DESI2: variants seen among roughly 807,000 people sequenced by gnomAD.
The protein encoded by DESI2 is deubiquitinase DESI2.
DESI2 carries 10 observed loss-of-function variants against 24.1 expected under a neutral mutation model. That is an observed-to-expected ratio of 0.41 (90% CI 0.26 to 0.70). DESI2 has a LOEUF of 0.70. Among genes scored for constraint, DESI2 ranks in the 30% least tolerant of loss-of-function variants. The pLI is 0.29. For missense variants in DESI2, 122 were observed against 234.9 expected (o/e 0.52, Z 3.14); for synonymous variants, 71 against 87.7 (o/e 0.81, Z 1.06).
chr1:244,669,690 AAAAG>A (rs1295330617), intron 1 of DESI2, among the ~76,000 whole-genome samples: 1 of 152,090 alleles, frequency 6.6e-6, no homozygotes, highest in Non-Finnish European at 1.5e-5. Flanking sequence ...AAAAAAGAAA[AAAAG>A]AAACTAGACT....
At chr1:244,659,374 G>A (rs1675759814) in intron 1 of DESI2, among the ~76,000 whole-genome samples, 1 of 152,180 alleles carries the variant, frequency 6.6e-6, no homozygotes, top group South Asian at 2.1e-4. Flanking sequence ...CAGTTCCTCT[G>A]CTATAGTCTT....
intron 2 of DESI2, among the ~76,000 whole-genome samples, chr1:244,688,793 C>A (rs937716750): frequency 2.0e-5 from 3 of 152,134 alleles, no homozygotes. Context: ...ATGTTCCACC[C>A]TACTCAAAGA....
At chr1:244,703,987 T>C (rs751215885) in intron 4 of DESI2, among the ~76,000 whole-genome samples, 6 of 152,162 alleles carry the variant, frequency 3.9e-5, no homozygotes, top group Admixed American at 6.6e-5. Context: ...TACCTCTCTG[T>C]ACTCACAGGC....
At chr1:244,688,855 G>A (rs562914266) in intron 2 of DESI2, among the ~76,000 whole-genome samples, 36 of 152,306 alleles carry the variant, frequency 2.4e-4, no homozygotes, top group Admixed American at 5.9e-4. Flanking sequence ...TTACTAGACA[G>A]TTTCTCCAGT....
chr1:244,683,745 G>A (rs1012333420), intron 1 of DESI2, among the ~76,000 whole-genome samples: 2 of 151,782 alleles, frequency 1.3e-5, no homozygotes, highest in African/African-American at 2.4e-5. Context: ...TTTAGAGACA[G>A]GGTCTCACTT....
At chr1:244,702,493 AACAG>A (rs1304370528) in intron 4 of DESI2, among the ~76,000 whole-genome samples, 2 of 152,182 alleles carry the variant, frequency 1.3e-5, no homozygotes, top group Non-Finnish European at 2.9e-5. Flanking sequence ...CAGCCTCAGT[AACAG>A]ACCAAGACTC....
chr1:244,680,938 C>T (rs1378636790), intron 1 of DESI2, among the ~76,000 whole-genome samples: 1 of 123,818 alleles, frequency 8.1e-6, no homozygotes. Context: ...AAAGAGCTTT[C>T]CTCCTTTTAC....
At chr1:244,664,536 T>C (rs1675976255) in intron 1 of DESI2, among the ~76,000 whole-genome samples, 1 of 152,116 alleles carries the variant, frequency 6.6e-6, no homozygotes. Flanking sequence ...TGGGACCTTA[T>C]CTCTACAAAA....
intron 1 of DESI2, among the ~76,000 whole-genome samples, chr1:244,667,743 C>G (rs138992437): frequency 1.3e-5 from 2 of 152,316 alleles, no homozygotes; most frequent in African/African-American, 2.4e-5. Context: ...AGTCCTGACT[C>G]TTACTCTGAA....
At chr1:244,688,842 C>G (rs1344280579) in intron 2 of DESI2, among the ~76,000 whole-genome samples, 4 of 152,186 alleles carry the variant, frequency 2.6e-5, no homozygotes, top group African/African-American at 9.7e-5. Context: ...ATGAAACTCA[C>G]TGTTACTAGA....
rs527841029 is a variant in DESI2 at position 244,689,839 on chromosome 1, C to T, written c.209+497C>T. On this transcript the variant is annotated intron_variant, in intron 3 of 4. Coordinates refer to ENST00000302550, the MANE Select transcript of DESI2 (RefSeq NM_016076.5). This position sits in a 1 kb window ranked among gnomAD's most constrained non-coding sequence, Gnocchi z 4.0. ...AAACTCCTTTCTAATGATTTCTTCC[C>T]CTCAATCTCCTGTTTGAAAGGAGAA... Among the ~76,000 whole-genome samples, 1 of 152,288 alleles carries T rather than the reference C, an allele frequency of 6.6e-6. No homozygotes were observed. Among genetic ancestry groups the T allele is most frequent in the South Asian group, 2.1e-4 (1 of 4,826 alleles).
In DESI2 at chr1:244,691,942, A is replaced by G. The variant is rs369300135; in HGVS notation, c.273A>G (p.Glu91=). The change falls in exon 4 of 5, where the codon GAA becomes GAG. Residue 91 remains glutamate (E), a synonymous_variant. Coordinates refer to ENST00000302550, the MANE Select transcript of DESI2 (RefSeq NM_016076.5). The part of the protein sequence containing the change: ...LEDDIEKIVE[E]LGKEYKGNAY... The stretch of plus-strand genomic sequence containing the variant: ...ATGATATAGAAAAAATTGTAGAAGA[A>G]CTGGGAAAAGAATACAAAGGCAATG... 1.2e-6 allele frequency: 2 copies of G among 1,604,340 alleles called. No homozygotes were observed. Among genetic ancestry groups the G allele is most frequent in the Non-Finnish European group, 1.7e-6 (2 of 1,178,000 alleles).
chr1:244,671,829 A>G (rs915213188), intron 1 of DESI2, among the ~76,000 whole-genome samples: 1 of 152,244 alleles, frequency 6.6e-6, no homozygotes, highest in Non-Finnish European at 1.5e-5. Context: ...GAGGTTAAAC[A>G]TATCAATATT....
chr1:244,676,165 C>T (rs1167189916), intron 1 of DESI2, among the ~76,000 whole-genome samples: 1 of 152,002 alleles, frequency 6.6e-6, no homozygotes, highest in Non-Finnish European at 1.5e-5. Context: ...CAAGCTCCAC[C>T]TCCCTGGTTC....
intron 4 of DESI2, among the ~76,000 whole-genome samples, chr1:244,704,423 T>A (rs770855800): frequency 2.0e-5 from 3 of 152,200 alleles, no homozygotes; most frequent in Non-Finnish European, 2.9e-5. Context: ...TAGACCCAGT[T>A]CTTACTATTT....
rs1677738914 is a variant in DESI2, at chr1:244,707,156, T to C, written c.*1367T>C. 1 of 152,636 alleles carries C rather than the reference T, an allele frequency of 6.6e-6. No homozygotes were observed. Among genetic ancestry groups the C allele is most frequent in the South Asian group, 2.1e-4 (1 of 4,836 alleles). 9.5% of individuals were successfully genotyped at this position (152,636 alleles called of 1,614,324 possible). A position where few individuals can be genotyped will look rare whatever the true frequency, so the allele number is the denominator to read the frequency against. ...GGCAGTGACTTCAGCTTTATATACA[T>C]ATAAAATATAGTTAGTTTTAAAATT... On this transcript the variant is annotated 3_prime_UTR_variant, in exon 5 of 5. Transcript: ENST00000302550.
At chr1:244,667,282 A>G (rs770503961) in intron 1 of DESI2, among the ~76,000 whole-genome samples, 25 of 152,220 alleles carry the variant, frequency 1.6e-4, no homozygotes, top group Non-Finnish European at 8.8e-5. Flanking sequence ...CTTCCTAGAT[A>G]TAATGGGGAT....
chr1:244,682,672 C>G (rs1468134879), intron 1 of DESI2, among the ~76,000 whole-genome samples: 1 of 152,158 alleles, frequency 6.6e-6, no homozygotes, highest in East Asian at 1.9e-4. Context: ...TCACACTCAA[C>G]TCTGCCATTG....
chr1:244,662,544 T>G (rs1356490221), intron 1 of DESI2, among the ~76,000 whole-genome samples: 1 of 152,242 alleles, frequency 6.6e-6, no homozygotes, highest in Non-Finnish European at 1.5e-5. Context: ...TTTGAAATTT[T>G]TATCCAGAAA....
Sources: gnomAD v4.1 joint callset for allele counts (sites outside exome capture counted in the v4.1 genomes callset) on GRCh38, gnomAD v4.1.1 for gene constraint, Gnocchi (gnomAD v3.1) non-coding constraint, MANE v1.5 for transcripts, NCBI Gene and HGNC (gene_info 2026-07-23, HGNC 2026-07-21) for gene names.